NIPSNAP2: variants seen among roughly 807,000 people sequenced by gnomAD.
NIPSNAP2 encodes protein NipSnap homolog 2.
In NIPSNAP2, 42 loss-of-function variants were observed where a neutral mutation model predicts 48.4. The observed-to-expected ratio is 0.87, with a 90% CI of 0.68 to 1.12. The LOEUF is 1.12. Ranked by LOEUF, NIPSNAP2 falls within the 50% of genes most tolerant of loss-of-function variation. The pLI, the probability that NIPSNAP2 is intolerant of heterozygous loss-of-function variation, is 0.00. For missense variants in NIPSNAP2, 314 were observed against 347.3 expected (o/e 0.90, Z 0.76); for synonymous variants, 158 against 126.6 (o/e 1.25, Z -1.67).
intron 6 of NIPSNAP2, among the ~76,000 whole-genome samples, chr7:55,984,461 A>G (rs1013440336): frequency 6.6e-5 from 10 of 152,304 alleles, no homozygotes; most frequent in African/African-American, 2.4e-4. Context: ...TCATGCCTGT[A>G]ATCCCAGCTT....
chr7:55,978,579 A>G (rs191879058), intron 3 of NIPSNAP2, 184 bp downstream of exon 3: 2 of 595,806 alleles, frequency 3.4e-6, no homozygotes, highest in Admixed American at 6.5e-5. Context: ...TTAAGCACTC[A>G]CACAGCTAAA....
rs3217414 is a variant in NIPSNAP2, at chr7:55,999,523, TTTTTCTGAGTA to T, written c.*452_*462del. 0.18 allele frequency: 28,092 copies of T among 155,934 alleles called. 2,908 individuals carry two copies. Among genetic ancestry groups the T allele is most frequent in the Non-Finnish European group, 0.23 (16,254 of 70,452 alleles). 9.7% of individuals were successfully genotyped at this position (155,934 alleles called of 1,614,324 possible). A position where few individuals can be genotyped will look rare whatever the true frequency, so the allele number is the denominator to read the frequency against. On this transcript the variant is annotated 3_prime_UTR_variant, in exon 10 of 10. Transcript: ENST00000322090. ...AAATTTTGTCATGTTTCTCAAGCAGTTTTTCTGAGTAGTTTCTGAGGAGGAACAAATTACAA... is the reference window on the plus strand; with the variant it reads ...AAATTTTGTCATGTTTCTCAAGCAGTGTTTCTGAGGAGGAACAAATTACAA...
At chr7:55,991,776 A>G (rs1326489626) in intron 7 of NIPSNAP2, 1 of 220,554 alleles carries the variant, frequency 4.5e-6, no homozygotes, top group Non-Finnish European at 8.8e-6. Flanking sequence ...ATATATATAT[A>G]TATATAATTT....
At chr7:55,976,158 G>A (rs576515331) in intron 1 of NIPSNAP2, among the ~76,000 whole-genome samples, 2 of 151,616 alleles carry the variant, frequency 1.3e-5, no homozygotes, top group South Asian at 2.1e-4. Flanking sequence ...TTCCCCAGAT[G>A]TCATCACCCT....
chr7:55,998,216 T>C (rs1287528827), intron 9 of NIPSNAP2, among the ~76,000 whole-genome samples: 1 of 151,148 alleles, frequency 6.6e-6, no homozygotes, highest in Admixed American at 6.6e-5. Flanking sequence ...GCCACTGCAC[T>C]CCAGCCTGGG....
At chr7:55,979,564 C>G in intron 3 of NIPSNAP2, 1 of 333,704 alleles carries the variant, frequency 3.0e-6, no homozygotes, top group Non-Finnish European at 5.9e-6. Flanking sequence ...CTCTTGTTTC[C>G]TTCTCCATCT....
In NIPSNAP2 at chr7:55,965,682, G is replaced by A. The variant is rs1467714403; in HGVS notation, c.92+981G>A. On this transcript the variant is annotated intron_variant, in intron 1 of 9. Transcript: ENST00000322090. ...TGCAACCTCCGCCTCCCGGGTTCAA[G>A]TAATTCTCCTGCCTCATCCTCCCAA... 3.3e-5 allele frequency among the ~76,000 whole-genome samples: 5 copies of A among 152,118 alleles called. No homozygotes were observed. The East Asian group carries it at 9.6e-4, about 29-fold the overall frequency.
intron 1 of NIPSNAP2, among the ~76,000 whole-genome samples, chr7:55,970,529 C>T (rs1786998016): frequency 6.6e-6 from 1 of 151,998 alleles, no homozygotes; most frequent in Admixed American, 6.6e-5. Context: ...CCAGGCTGGT[C>T]TTGAATTCCT....
intron 1 of NIPSNAP2, among the ~76,000 whole-genome samples, chr7:55,974,716 C>T (rs533739704): frequency 2.0e-5 from 3 of 152,046 alleles, no homozygotes; most frequent in African/African-American, 4.8e-5. Context: ...GGTGTGGCGG[C>T]GGGCGCCTGT....
rs1049977497 is a variant in NIPSNAP2, at chr7:55,964,668, G to A, written c.59G>A (p.Arg20Gln). ...GAAWAGGLLQ[R>Q]AAPCSLLPRL... ...GCCTGGGCCGGCGGCCTCCTGCAGCGGGCGGCCCCCTGCAGCCTCCTGCCC... is the reference window on the plus strand; with the variant it reads ...GCCTGGGCCGGCGGCCTCCTGCAGCAGGCGGCCCCCTGCAGCCTCCTGCCC... Residue 20 changes from arginine to glutamine, a missense_variant, in exon 1 of 10, where the codon CGG becomes CAG. By Grantham distance (43) the Arg-to-Gln change is conservative (BLOSUM62 1). Transcript: ENST00000322090. The A allele has an allele frequency of 1.0e-4, 117 of 1,118,814 alleles. No individual in the cohort carries two copies. In the African/African-American group the frequency reaches 1.8e-3, roughly 17 times the overall value. The allele number at this position is 1,118,814 out of a possible 1,614,324, so 69.3% of individuals were successfully genotyped here.
chr7:55,999,136 T>C lies in NIPSNAP2; in HGVS notation c.*64T>C. On this transcript the variant is annotated 3_prime_UTR_variant, in exon 10 of 10. Coordinates refer to ENST00000322090, the MANE Select transcript of NIPSNAP2 (RefSeq NM_001483.3). ...ACAAGTATTTGTCGTAAATTAATTTTAATTGTGTATCAAGTGAAAAAGAAA... is the reference window on the plus strand; with the variant it reads ...ACAAGTATTTGTCGTAAATTAATTTCAATTGTGTATCAAGTGAAAAAGAAA... 2 of 1,347,714 alleles carry C rather than the reference T, an allele frequency of 1.5e-6. No homozygotes were observed. Among genetic ancestry groups the C allele is most frequent in the Non-Finnish European group, 2.1e-6 (2 of 944,946 alleles). 83.5% of individuals were successfully genotyped at this position (1,347,714 alleles called of 1,614,324 possible).
intron 4 of NIPSNAP2, 198 bp from the exon 5 acceptor site, chr7:55,982,012 G>C (rs532821922): frequency 7.5e-6 from 3 of 398,098 alleles, no homozygotes; most frequent in Non-Finnish European, 1.4e-5. Context: ...TCACCATGTT[G>C]GCCAGGCTGG....
chr7:55,992,847 G>A (rs535866318), intron 7 of NIPSNAP2, among the ~76,000 whole-genome samples: 13 of 152,256 alleles, frequency 8.5e-5, no homozygotes, highest in African/African-American at 2.4e-4. Flanking sequence ...CCTTAACCAT[G>A]TGTCTTCTGG....
chr7:55,990,740 C>A (rs998173761), intron 7 of NIPSNAP2, among the ~76,000 whole-genome samples: 2 of 151,198 alleles, frequency 1.3e-5, no homozygotes, highest in Admixed American at 6.6e-5. Context: ...GAACTTGTAC[C>A]TTTTTGCCTT....
At chr7:55,985,994 G>A (rs892809298) in intron 7 of NIPSNAP2, among the ~76,000 whole-genome samples, 2 of 152,040 alleles carry the variant, frequency 1.3e-5, no homozygotes, top group Non-Finnish European at 2.9e-5. Context: ...GTTGCAGTGA[G>A]CTGAGATCAC....
At chr7:55,968,244 A>G (rs560629255) in intron 1 of NIPSNAP2, among the ~76,000 whole-genome samples, 1 of 152,068 alleles carries the variant, frequency 6.6e-6, no homozygotes, top group Non-Finnish European at 1.5e-5. Flanking sequence ...GGGATATTTT[A>G]ATAGGGAGTG....
At chr7:55,993,760 C>T (rs556838476) in intron 7 of NIPSNAP2, among the ~76,000 whole-genome samples, 1 of 152,030 alleles carries the variant, frequency 6.6e-6, no homozygotes, top group Non-Finnish European at 1.5e-5. Flanking sequence ...AGAGCTGATA[C>T]CTTTTGCAGT....
chr7:55,985,392 A>G (rs1224621160), intron 7 of NIPSNAP2, among the ~76,000 whole-genome samples: 2 of 152,030 alleles, frequency 1.3e-5, no homozygotes, highest in East Asian at 1.9e-4. Context: ...CCACAAGTTG[A>G]TATGTAGATT....
chr7:55,964,628 C>A lies in NIPSNAP2; in HGVS notation c.19C>A (p.Arg7Ser), dbSNP rs917750632. Reference protein sequence around the residue: MAARVLRARGAAWAGGL... With the variant: MAARVLSARGAAWAGGL... ...GAGCAAGATGGCGGCGCGAGTGCTG[C>A]GCGCCCGCGGAGCGGCCTGGGCCGG... Residue 7 changes from arginine to serine, a missense_variant, in exon 1 of 10, where the codon CGC becomes AGC. Transcript: ENST00000322090. 62 of 1,059,358 alleles carry A rather than the reference C, an allele frequency of 5.9e-5. No individual in the cohort carries two copies. The highest frequency in any genetic ancestry group is 6.8e-5 in the Non-Finnish European group (60 of 879,408). The allele number at this position is 1,059,358 out of a possible 1,614,324, so 65.6% of individuals were successfully genotyped here.
Sources: gnomAD v4.1 joint callset for allele counts (sites outside exome capture counted in the v4.1 genomes callset) on GRCh38, gnomAD v4.1.1 for gene constraint, MANE v1.5 for transcripts, NCBI Gene and HGNC (gene_info 2026-07-23, HGNC 2026-07-21) for gene names.